ARMH1: variants seen among roughly 807,000 people sequenced by gnomAD.
ARMH1 encodes armadillo like helical domain containing 1.
Under a neutral mutation model 50.2 loss-of-function variants are expected in ARMH1, and 34 were observed. The ratio of observed to expected loss-of-function variants is 0.68; its 90% CI spans 0.51 to 0.90. ARMH1 has a LOEUF of 0.90. Among genes scored for constraint, ARMH1 ranks in the 40% least tolerant of loss-of-function variants. The pLI is 0.00. For synonymous variants in ARMH1, 221 were observed against 224.2 expected, an observed-to-expected ratio of 0.99 and a Z score of 0.13; for missense variants, 538 against 553.9, an observed-to-expected ratio of 0.97 and a Z score of 0.29.
intron 2 of ARMH1, 38 bp downstream of exon 2, chr1:44,689,941 C>G: frequency 6.5e-7 from 1 of 1,527,938 alleles, no homozygotes. Context: ...AATTAGGCAC[C>G]GGGCACGGTG....
rs139240684 is a variant in ARMH1, at chr1:44,690,560, G to A, written c.206+657G>A. ...CTTTCACCTTTGCCTCATAACCAGC[G>A]TTTTTTCAGCATTTATATATGCTGA... On this transcript the variant is annotated intron_variant, in intron 2 of 11. Coordinates refer to ENST00000535358, the MANE Select transcript of ARMH1 (RefSeq NM_001145636.2). 2.1e-3 allele frequency among the ~76,000 whole-genome samples: 316 copies of A among 152,066 alleles called. 3 individuals are homozygous for A. Among genetic ancestry groups the A allele is most frequent in the Admixed American group, 0.016 (249 of 15,268 alleles).
intron 2 of ARMH1, among the ~76,000 whole-genome samples, chr1:44,692,651 A>G (rs1645696343): frequency 6.6e-6 from 1 of 152,076 alleles, no homozygotes; most frequent in South Asian, 2.1e-4. Context: ...TGATAAAATT[A>G]TTTTTCAGAC....
chr1:44,674,759 A>G lies in ARMH1; in HGVS notation c.-137A>G, dbSNP rs533859754. Reference sequence around the variant, plus strand: ...GAGTTGCTGTATTCTGGGAATGGGCAGGGTCACTCGTCCGAACAGAGTCCT... The same window carrying G: ...GAGTTGCTGTATTCTGGGAATGGGCGGGGTCACTCGTCCGAACAGAGTCCT... On this transcript the variant is annotated 5_prime_UTR_variant, in exon 1 of 12. Coordinates refer to ENST00000535358, the MANE Select transcript of ARMH1 (RefSeq NM_001145636.2). 14 of 234,790 alleles carry G rather than the reference A, an allele frequency of 6.0e-5. No individual in the cohort carries two copies. In the Admixed American group the frequency reaches 7.5e-4, roughly 13 times the overall value. The allele number at this position is 234,790 out of a possible 1,614,324, so 14.5% of individuals were successfully genotyped here.
rs1319623364 is a variant in ARMH1 at position 44,724,676 on chromosome 1, C to T, written c.1050+8C>T. 7 of 1,485,442 alleles carry T rather than the reference C, an allele frequency of 4.7e-6. No individual in the cohort carries two copies. Among genetic ancestry groups the T allele is most frequent in the Non-Finnish European group, 6.2e-6 (7 of 1,124,644 alleles). 92.0% of individuals were successfully genotyped at this position (1,485,442 alleles called of 1,614,324 possible). On this transcript the variant is annotated splice_region_variant and intron_variant, in intron 9 of 11. Coordinates refer to ENST00000535358, the MANE Select transcript of ARMH1 (RefSeq NM_001145636.2). The surrounding 1 kb of genome is among the most constrained non-coding windows in gnomAD (Gnocchi z 6.4). ...GCCAGCCTCACGCTGGAGGTGCGCG[C>T]GGCGGCTGGTTAGGGGGCGGGAAGG...
At chr1:44,684,020 A>T (rs886985234) in intron 1 of ARMH1, among the ~76,000 whole-genome samples, 8 of 151,494 alleles carry the variant, frequency 5.3e-5, no homozygotes, top group African/African-American at 1.7e-4. Flanking sequence ...AGAGAGAGAG[A>T]GTGTGTGAGT....
chr1:44,705,779 G>A (rs1444196196), intron 6 of ARMH1, among the ~76,000 whole-genome samples: 1 of 152,154 alleles, frequency 6.6e-6, no homozygotes, highest in Admixed American at 6.5e-5. Flanking sequence ...CCCTATAGTG[G>A]TTCAGAGGAA....
chr1:44,690,329 A>T (rs1645619806), intron 2 of ARMH1, among the ~76,000 whole-genome samples: 1 of 151,452 alleles, frequency 6.6e-6, no homozygotes, highest in African/African-American at 2.4e-5. Flanking sequence ...TCTGGTGTTT[A>T]AAAAAAAGTG....
At chr1:44,713,363 T>C (rs1646704372) in intron 6 of ARMH1, among the ~76,000 whole-genome samples, 2 of 151,980 alleles carry the variant, frequency 1.3e-5, no homozygotes, top group Admixed American at 1.3e-4. Context: ...GCTCCCAAAG[T>C]GCTGGGATTA....
At chr1:44,677,104 A>T (rs1645163814) in intron 1 of ARMH1, among the ~76,000 whole-genome samples, 1 of 152,214 alleles carries the variant, frequency 6.6e-6, no homozygotes, top group Non-Finnish European at 1.5e-5. Flanking sequence ...AAATAAGAAC[A>T]TTATATCAGC....
At chr1:44,684,291 C>G (rs1362313695) in intron 1 of ARMH1, 1 of 152,044 alleles carries the variant, frequency 6.6e-6, no homozygotes, top group East Asian at 1.9e-4. Context: ...CCTCATCAAG[C>G]TTACTATTAA....
At chr1:44,675,937 G>T (rs1306136932) in intron 1 of ARMH1, among the ~76,000 whole-genome samples, 2 of 152,158 alleles carry the variant, frequency 1.3e-5, no homozygotes, top group African/African-American at 2.4e-5. Context: ...TCCAGCCTGG[G>T]TGACAGAGCG....
intron 5 of ARMH1, 26 bp from the exon 6 acceptor site, chr1:44,704,063 C>T (rs1412894185): frequency 6.5e-7 from 1 of 1,538,112 alleles, no homozygotes; most frequent in Non-Finnish European, 8.8e-7. Flanking sequence ...AGACTAACCA[C>T]CTTGTCCTGT....
rs1216740922 is a variant in ARMH1 at position 44,724,542 on chromosome 1, C to T, written c.924C>T (p.Val308=). The T allele has an allele frequency of 1.3e-6, 2 of 1,510,072 alleles. No individual in the cohort carries two copies. The highest frequency in any genetic ancestry group is 2.7e-5 in the East Asian group (1 of 36,890). 93.5% of individuals were successfully genotyped at this position (1,510,072 alleles called of 1,614,324 possible). A position where few individuals can be genotyped will look rare whatever the true frequency, so the allele number is the denominator to read the frequency against. ...CCAGCCCGAACCCCCGGCCCAGGGT[C>T]CTGGCGCGCAACGACATGAGCATCG... ...QQAAAAKAIG[V]LARNDMSIAE... is the part of the protein sequence containing the mutation. Residue 308 remains valine (V), a synonymous_variant, in exon 9 of 12, where the codon GTC becomes GTT. Transcript: ENST00000535358. The surrounding 1 kb of genome is among the most constrained non-coding windows in gnomAD (Gnocchi z 6.4).
At chr1:44,695,179 G>A (rs1327603677) in intron 2 of ARMH1, among the ~76,000 whole-genome samples, 1 of 152,188 alleles carries the variant, frequency 6.6e-6, no homozygotes, top group Non-Finnish European at 1.5e-5. Context: ...TCAAATCCCG[G>A]TTCCAGCAGT....
At chr1:44,721,802 G>GA (rs1647207473) in intron 6 of ARMH1, 1 of 151,274 alleles carries the variant, frequency 6.6e-6, no homozygotes, top group African/African-American at 2.5e-5. Flanking sequence ...GCCTAGGCAA[G>GA]ACTTCAAAAA....
intron 1 of ARMH1, among the ~76,000 whole-genome samples, chr1:44,685,982 A>G (rs1645459784): frequency 6.6e-6 from 1 of 152,206 alleles, no homozygotes; most frequent in Non-Finnish European, 1.5e-5. Context: ...CATGTGGTCA[A>G]AAACAATATT....
chr1:44,713,845 G>A (rs1035836471), intron 6 of ARMH1, among the ~76,000 whole-genome samples: 3 of 152,160 alleles, frequency 2.0e-5, no homozygotes, highest in Non-Finnish European at 2.9e-5. Flanking sequence ...ACACACCATA[G>A]TAATTCTTTG....
intron 6 of ARMH1, among the ~76,000 whole-genome samples, chr1:44,719,686 G>A (rs1647004364): frequency 6.6e-6 from 1 of 152,194 alleles, no homozygotes; most frequent in South Asian, 2.1e-4. Flanking sequence ...AAGTTTGCAG[G>A]AGCTGAAGCA....
rs529535293 is a variant in ARMH1, at chr1:44,715,047, G to C, written c.725-9075G>C. Among the ~76,000 whole-genome samples the C allele has an allele frequency of 4.6e-5, 7 of 152,178 alleles. 1 individual carries two copies. The South Asian group carries it at 8.3e-4, about 18-fold the overall frequency. Reference sequence around the variant, plus strand: ...AGGCATGAGCCACCACGCCTGACTGGTCTGTTTCTTACAGCAGTGCAACAT... The same window carrying C: ...AGGCATGAGCCACCACGCCTGACTGCTCTGTTTCTTACAGCAGTGCAACAT... On this transcript the variant is annotated intron_variant, in intron 6 of 11. Transcript: ENST00000535358.
Sources: allele counts gnomAD v4.1 joint callset (sites outside exome capture counted in the v4.1 genomes callset), GRCh38; gene constraint gnomAD v4.1.1; non-coding constraint Gnocchi (gnomAD v3.1); transcripts MANE v1.5; gene names NCBI Gene and HGNC (gene_info 2026-07-23, HGNC 2026-07-21).